NAV2: variants seen among roughly 807,000 people sequenced by gnomAD.
NAV2 encodes the protein neuron navigator 2.
NAV2 carries 54 observed loss-of-function variants against 223.2 expected under a neutral mutation model. That is an observed-to-expected ratio of 0.24 (90% confidence interval 0.19 to 0.30). NAV2 has a LOEUF of 0.30. Among genes scored for constraint, NAV2 ranks in the 10% least tolerant of loss-of-function variants. NAV2 has a pLI of 1.00. For synonymous variants in NAV2, 1,279 were observed against 1,239.3 expected (o/e 1.03, Z -0.67); for missense variants, 2,806 against 3,147.5 (o/e 0.89, Z 2.60).
In NAV2 at chr11:19,911,616, T is replaced by G. The variant is rs370003221; in HGVS notation, c.931+19022T>G. Among the ~76,000 whole-genome samples, 32 of 152,290 alleles carry G rather than the reference T, an allele frequency of 2.1e-4. No homozygotes were observed. In the East Asian group the frequency reaches 5.0e-3, roughly 24 times the overall value. The stretch of plus-strand genomic sequence containing the variant: ...GATCAGAACCCAGGCTTTCTGAATC[T>G]CTTTGGTGTTTTATCCTGTCACCTC... On this transcript the variant is annotated intron_variant, in intron 6 of 37. Coordinates refer to ENST00000349880, the MANE Select transcript of NAV2 (RefSeq NM_145117.5).
rs185684150 is a variant in NAV2 at position 20,114,906 on chromosome 11, G to A, written c.7164+111G>A. The stretch of plus-strand genomic sequence containing the variant: ...AGGTGACTAAATCCAGCCTTGCTTT[G>A]GAAGGCTGGACCCAAATGACTGGGC... On this transcript the variant is annotated intron_variant, in intron 37 of 37. Coordinates refer to ENST00000349880, the MANE Select transcript of NAV2 (RefSeq NM_145117.5). 1,049 of 1,125,632 alleles carry A rather than the reference G, an allele frequency of 9.3e-4. 6 individuals carry two copies. The African/African-American group carries it at 0.014, about 16-fold the overall frequency. 69.7% of individuals were successfully genotyped at this position (1,125,632 alleles called of 1,614,324 possible). A position where few individuals can be genotyped will look rare whatever the true frequency, so the allele number is the denominator to read the frequency against.
At chr11:19,633,146 G>A (rs184433969) in intron 1 of NAV2, among the ~76,000 whole-genome samples, 3 of 152,028 alleles carry the variant, frequency 2.0e-5, no homozygotes, top group Non-Finnish European at 2.9e-5. Flanking sequence ...AGCTCATTCC[G>A]TGCCCCCAGC....
chr11:19,477,252 G>A (rs908319951), intron 1 of NAV2, among the ~76,000 whole-genome samples: 24 of 152,170 alleles, frequency 1.6e-4, no homozygotes, highest in African/African-American at 5.1e-4. Context: ...ATATTTATGG[G>A]CCTTTTATGT....
At chr11:19,353,068 T>C (rs1205566507) in intron 1 of NAV2, among the ~76,000 whole-genome samples, 1 of 152,128 alleles carries the variant, frequency 6.6e-6, no homozygotes, top group Non-Finnish European at 1.5e-5. Flanking sequence ...AAAACTCCTC[T>C]TCAGGGGGGA....
intron 6 of NAV2, among the ~76,000 whole-genome samples, chr11:19,924,296 A>T (rs1246354327): frequency 7.7e-6 from 1 of 130,256 alleles, no homozygotes; most frequent in Non-Finnish European, 1.6e-5. Flanking sequence ...GTAATTCTTT[A>T]AAAAAAAAAA....
At chr11:19,818,168 A>T (rs941358111) in intron 1 of NAV2, among the ~76,000 whole-genome samples, 2 of 143,912 alleles carry the variant, frequency 1.4e-5, no homozygotes, top group Non-Finnish European at 3.0e-5. Flanking sequence ...GGGGAGGGGT[A>T]GGGGTAAGGA....
At chr11:19,915,995 G>C (rs1202958521) in intron 6 of NAV2, among the ~76,000 whole-genome samples, 1 of 152,152 alleles carries the variant, frequency 6.6e-6, no homozygotes, top group Non-Finnish European at 1.5e-5. Flanking sequence ...GTCTCTTCAA[G>C]CCTCAGTTTC....
intron 1 of NAV2, among the ~76,000 whole-genome samples, chr11:19,470,513 A>G (rs1055505139): frequency 2.0e-5 from 3 of 152,178 alleles, no homozygotes; most frequent in Admixed American, 2.0e-4. Flanking sequence ...CAAAGGAGAG[A>G]GAGACTGTGA....
intron 4 of NAV2, among the ~76,000 whole-genome samples, chr11:19,871,864 C>G (rs977346549): frequency 6.6e-6 from 1 of 152,116 alleles, no homozygotes; most frequent in Non-Finnish European, 1.5e-5. Flanking sequence ...TTGAGCGATT[C>G]TTAGAGCTAC....
At chr11:19,655,444 T>A (rs536257240) in intron 1 of NAV2, among the ~76,000 whole-genome samples, 1 of 152,106 alleles carries the variant, frequency 6.6e-6, no homozygotes, top group Non-Finnish European at 1.5e-5. Flanking sequence ...CATGCAGACG[T>A]ATGTTTATTG....
intron 1 of NAV2, chr11:19,778,093 C>A (rs1590452487): frequency 2.5e-6 from 1 of 408,034 alleles, no homozygotes; most frequent in Non-Finnish European, 5.0e-6. Context: ...CCTCCGTTTT[C>A]AAAAATAACC....
intron 1 of NAV2, among the ~76,000 whole-genome samples, chr11:19,487,723 G>A (rs1256011068): frequency 6.6e-6 from 1 of 152,178 alleles, no homozygotes; most frequent in Non-Finnish European, 1.5e-5. Flanking sequence ...CAAGTGAGCT[G>A]GGAAGTGAAT....
At chr11:19,497,658 T>C (rs913201283) in intron 1 of NAV2, among the ~76,000 whole-genome samples, 7 of 152,140 alleles carry the variant, frequency 4.6e-5, no homozygotes, top group African/African-American at 1.7e-4. Flanking sequence ...TCATTAATCA[T>C]GAGGTGGGAG....
chr11:19,931,946 C>A (rs10833197), intron 6 of NAV2, among the ~76,000 whole-genome samples: 58,441 of 152,004 alleles, frequency 0.38, 13,913 homozygotes, highest in Non-Finnish European at 0.54. Flanking sequence ...TTCTCTCCAA[C>A]AGCTGTCCTT....
chr11:19,638,983 ACT>A (rs2047581570), intron 1 of NAV2, among the ~76,000 whole-genome samples: 1 of 152,120 alleles, frequency 6.6e-6, no homozygotes, highest in South Asian at 2.1e-4. Context: ...ACAGAGCAAG[ACT>A]CTGTTTCAAA....
At chr11:19,746,166 C>T (rs1465707240) in intron 1 of NAV2, among the ~76,000 whole-genome samples, 1 of 152,166 alleles carries the variant, frequency 6.6e-6, no homozygotes, top group Non-Finnish European at 1.5e-5. Flanking sequence ...TCACAGCTTC[C>T]AGCACAGTTA....
chr11:20,113,278 C>T (rs192464912), intron 36 of NAV2, among the ~76,000 whole-genome samples: 27 of 152,260 alleles, frequency 1.8e-4, no homozygotes, highest in South Asian at 6.2e-4. Flanking sequence ...GCATTTCTCA[C>T]GGTACCTGGC....
intron 1 of NAV2, among the ~76,000 whole-genome samples, chr11:19,540,494 T>C (rs142868442): frequency 1.5e-3 from 223 of 152,342 alleles, no homozygotes; most frequent in Middle Eastern, 0.01. Flanking sequence ...TCCCATTAAA[T>C]GCAGCAAAAT....
chr11:19,453,008 TA>T, intron 1 of NAV2, among the ~76,000 whole-genome samples: 1 of 152,306 alleles, frequency 6.6e-6, no homozygotes. Flanking sequence ...TCAGAGAAGT[TA>T]AGTAATTCCA....
Sources: gnomAD v4.1 joint callset for allele counts (sites outside exome capture counted in the v4.1 genomes callset) on GRCh38, gnomAD v4.1.1 for gene constraint, MANE v1.5 for transcripts, NCBI Gene and HGNC (gene_info 2026-07-23, HGNC 2026-07-21) for gene names.